Variants in ANK2 observed in about 807,000 individuals in gnomAD.
ANK2 encodes ankyrin 2.
In ANK2, 83 loss-of-function variants were observed where a neutral mutation model predicts 360.5. That is an observed-to-expected ratio of 0.23 (90% CI 0.19 to 0.28). ANK2 has a LOEUF of 0.28. Ranked by LOEUF, ANK2 falls within the 10% of genes least tolerant of loss-of-function variation. The pLI is 1.00. For missense variants in ANK2, 4,201 were observed against 4,795.7 expected (o/e 0.88, Z 3.66); for synonymous variants, 1,740 against 1,759.5 (o/e 0.99, Z 0.28).
intron 45 of ANK2, among the ~76,000 whole-genome samples, chr4:113,378,596 T>C (rs1372253429): frequency 2.0e-5 from 3 of 152,232 alleles, no homozygotes; most frequent in African/African-American, 7.2e-5. Context: ...CTTTGAATGG[T>C]ATGTGCTTTC....
At chr4:113,139,251 A>G (rs2096553561) in intron 1 of ANK2, among the ~76,000 whole-genome samples, 1 of 152,222 alleles carries the variant, frequency 6.6e-6, no homozygotes, top group Admixed American at 6.5e-5. Flanking sequence ...AACTTTGCCC[A>G]TTAACTGATC....
chr4:112,770,621 G>A, the ANK2 span, among the ~76,000 whole-genome samples: 1 of 151,804 alleles, frequency 6.6e-6, no homozygotes, highest in Non-Finnish European at 1.5e-5. Flanking sequence ...CAAGAGAATC[G>A]CTTGAACTTG....
chr4:112,834,917 T>C (rs1268035973), intron 1 of ANK2, among the ~76,000 whole-genome samples: 1 of 152,202 alleles, frequency 6.6e-6, no homozygotes, highest in African/African-American at 2.4e-5. Context: ...GGTCGTTTCC[T>C]CCAGGTGTGG....
intron 1 of ANK2, among the ~76,000 whole-genome samples, chr4:113,112,409 G>C (rs2094388651): frequency 6.6e-6 from 1 of 152,178 alleles, no homozygotes; most frequent in Non-Finnish European, 1.5e-5. Flanking sequence ...CTGGAGTGGG[G>C]TTGGGAGGAT....
rs1008367870 is a variant in ANK2, at chr4:113,296,210, A to G, written c.2475+2672A>G. On this transcript the variant is annotated intron_variant, in intron 22 of 45. Transcript: ENST00000357077. ...AGAAACTGTTTTCACCTAATTTTCA[A>G]CAAAAAGAAAAACCACTTAAATAGT... is the stretch of plus-strand genomic sequence containing the variant. 2.0e-5 allele frequency among the ~76,000 whole-genome samples: 3 copies of G among 152,300 alleles called. No individual in the cohort carries two copies. In the East Asian group the frequency reaches 5.8e-4, roughly 29 times the overall value.
chr4:112,770,726 A>T, the ANK2 span, among the ~76,000 whole-genome samples: 14 of 147,000 alleles, frequency 9.5e-5, no homozygotes, highest in African/African-American at 2.8e-4. Context: ...AAAAAAAAAA[A>T]GTGCATTATA....
intron 1 of ANK2, among the ~76,000 whole-genome samples, chr4:112,884,294 G>A (rs1211600538): frequency 1.3e-5 from 2 of 152,120 alleles, no homozygotes; most frequent in African/African-American, 4.8e-5. Context: ...TAGAGTAGGC[G>A]ACTTTTTTGG....
intron 1 of ANK2, among the ~76,000 whole-genome samples, chr4:113,115,486 G>C (rs953200688): frequency 1.3e-5 from 2 of 152,094 alleles, no homozygotes; most frequent in Non-Finnish European, 2.9e-5. Flanking sequence ...CCATGCCATG[G>C]TGATTACTGT....
At chr4:113,113,004 G>A (rs1000137674) in intron 1 of ANK2, among the ~76,000 whole-genome samples, 9 of 152,028 alleles carry the variant, frequency 5.9e-5, no homozygotes, top group Non-Finnish European at 1.3e-4. Context: ...TTGGCTTCAG[G>A]TAAAACAAAT....
intron 1 of ANK2, among the ~76,000 whole-genome samples, chr4:113,053,604 T>C (rs961126809): frequency 2.6e-5 from 4 of 152,188 alleles, no homozygotes; most frequent in Non-Finnish European, 5.9e-5. Context: ...AAGATTTTTA[T>C]ATTTTTTGAG....
chr4:113,066,009 C>T (rs1251682562), intron 1 of ANK2, among the ~76,000 whole-genome samples: 1 of 152,060 alleles, frequency 6.6e-6, no homozygotes, highest in African/African-American at 2.4e-5. Flanking sequence ...ACTTTAAGAC[C>T]ATCTTTAATT....
In ANK2 at chr4:113,358,853, A is replaced by G; in HGVS notation, c.10235A>G (p.Glu3412Gly). The change falls in exon 38 of 46, where the codon GAG (glutamate) becomes GGG (glycine). Residue 3412 changes from glutamate to glycine, a missense_variant. Coordinates refer to ENST00000357077, the MANE Select transcript of ANK2 (RefSeq NM_001148.6). ...KCPVKTRSYT[E>G]TETESRERAE... is the part of the protein sequence containing the mutation. ...CCAGTAAAAACCCGAAGTTACACTG[A>G]GACAGAAACAGAGAGCAGAGAGAGG... is the stretch of plus-strand genomic sequence containing the variant. 3.1e-6 allele frequency: 5 copies of G among 1,614,164 alleles called. No individual in the cohort carries two copies. The highest frequency in any genetic ancestry group is 1.1e-5 in the South Asian group (1 of 91,086).
intron 14 of ANK2, among the ~76,000 whole-genome samples, chr4:113,271,594 T>A (rs2058548050): frequency 1.3e-5 from 2 of 152,176 alleles, no homozygotes; most frequent in Non-Finnish European, 2.9e-5. Context: ...GCCAAGCTAC[T>A]ACATTGAGCT....
intron 18 of ANK2, among the ~76,000 whole-genome samples, chr4:113,284,321 A>AG (rs1466274902): frequency 6.6e-6 from 1 of 152,192 alleles, no homozygotes; most frequent in African/African-American, 2.4e-5. Context: ...TAGTGTATGA[A>AG]GGGGGCATGT....
intron 35 of ANK2, among the ~76,000 whole-genome samples, chr4:113,347,640 C>A (rs991896322): frequency 1.4e-4 from 21 of 151,998 alleles, no homozygotes; most frequent in Admixed American, 5.3e-4. Context: ...AGAAAAAAAT[C>A]CCAGACATTG....
chr4:112,982,475 T>C (rs761458712), intron 2 of ANK2, among the ~76,000 whole-genome samples: 24 of 152,340 alleles, frequency 1.6e-4, no homozygotes, highest in Non-Finnish European at 2.5e-4. Context: ...AACTTTCTAA[T>C]TTTAAAAACA....
chr4:112,882,993 A>G (rs996114657), intron 1 of ANK2, among the ~76,000 whole-genome samples: 18 of 128,658 alleles, frequency 1.4e-4, no homozygotes, highest in Admixed American at 2.6e-4. Context: ...TGGCTACTGG[A>G]CACTTTCTGG....
At chr4:112,915,078 A>G (rs1205923357) in intron 2 of ANK2, among the ~76,000 whole-genome samples, 3 of 152,188 alleles carry the variant, frequency 2.0e-5, no homozygotes, top group African/African-American at 7.2e-5. Context: ...TAGGGCCTAT[A>G]TGTTCTGATT....
At chr4:113,153,839 G>A (rs989879625) in intron 1 of ANK2, among the ~76,000 whole-genome samples, 12 of 152,182 alleles carry the variant, frequency 7.9e-5, no homozygotes, top group Admixed American at 7.9e-4. Flanking sequence ...AATCTCAGAG[G>A]TGAGAGCCAA....
Sources: gnomAD v4.1 joint callset for allele counts (sites outside exome capture counted in the v4.1 genomes callset) on GRCh38, gnomAD v4.1.1 for gene constraint, MANE v1.5 for transcripts, NCBI Gene and HGNC (gene_info 2026-07-23, HGNC 2026-07-21) for gene names.